Variants in HEYL observed in about 807,000 individuals in gnomAD.
HEYL encodes hairy/enhancer-of-split related with YRPW motif-like protein.
Under a neutral mutation model 18.6 loss-of-function variants are expected in HEYL, and 12 were observed. The ratio of observed to expected loss-of-function variants is 0.65; its 90% CI spans 0.41 to 1.05. The LOEUF (loss-of-function observed/expected upper bound fraction) is 1.05. Among genes scored for constraint, HEYL ranks in the 50% least tolerant of loss-of-function variants. HEYL has a pLI of 0.00. For missense variants in HEYL, 420 were observed against 444.7 expected, an observed-to-expected ratio of 0.94 and a Z score of 0.50; for synonymous variants, 159 against 179.6, an observed-to-expected ratio of 0.89 and a Z score of 0.91.
intron 1 of HEYL, among the ~76,000 whole-genome samples, chr1:39,637,045 T>C (rs891746634): frequency 4.6e-5 from 7 of 152,238 alleles, no homozygotes; most frequent in African/African-American, 1.4e-4. Flanking sequence ...TAAAAGTCAC[T>C]GGCCAAAGTT....
intron 1 of HEYL, among the ~76,000 whole-genome samples, chr1:39,635,721 C>T (rs1243112770): frequency 6.6e-6 from 1 of 152,244 alleles, no homozygotes; most frequent in Non-Finnish European, 1.5e-5. Flanking sequence ...GAATCCGCAT[C>T]TTCTGGCTCC....
intron 2 of HEYL, 105 bp from the exon 3 acceptor site, chr1:39,631,684 GAGA>G: frequency 1.2e-6 from 1 of 861,414 alleles, no homozygotes; most frequent in Non-Finnish European, 1.9e-6. Flanking sequence ...TTTTGTGAGG[GAGA>G]TCAATCTAGT....
intron 2 of HEYL, among the ~76,000 whole-genome samples, chr1:39,632,327 C>G (rs1362158384): frequency 1.3e-5 from 2 of 152,214 alleles, no homozygotes; most frequent in Non-Finnish European, 2.9e-5. Context: ...AGAGAGGAGA[C>G]AGAAGATAGG....
Position 39,631,425 on chromosome 1 carries a change from T to C in HEYL, c.231+71A>G, listed in dbSNP as rs2124114554. The C allele has an allele frequency of 4.0e-6, 5 of 1,259,506 alleles. No homozygotes were observed. In the East Asian group the frequency reaches 1.2e-4, roughly 29 times the overall value. 78.0% of individuals were successfully genotyped at this position (1,259,506 alleles called of 1,614,324 possible). On this transcript the variant is annotated intron_variant, in intron 3 of 4. Transcript: ENST00000372852. Reference sequence around the variant, plus strand: ...GCAGCTGCTACCAATCAACAAGAGATGCCATGAGAAACGAACCTTATCTGC... The same window carrying C: ...GCAGCTGCTACCAATCAACAAGAGACGCCATGAGAAACGAACCTTATCTGC...
intron 4 of HEYL, among the ~76,000 whole-genome samples, chr1:39,627,717 G>C (rs1452488249): frequency 6.6e-6 from 1 of 152,246 alleles, no homozygotes; most frequent in Non-Finnish European, 1.5e-5. Context: ...CTAGCTGCCT[G>C]ATTGTGGACA....
Position 39,627,068 on chromosome 1 carries a change from T to C in HEYL, c.426A>G (p.Ala142=), listed in dbSNP as rs1416219865. ...AGAGAAGGCGAATCCGGACGGGGTCTGCACGGCTGCTGGGCCCTTCAAGGA... is the reference window on the plus strand; with the variant it reads ...AGAGAAGGCGAATCCGGACGGGGTCCGCACGGCTGCTGGGCCCTTCAAGGA... The part of the protein sequence containing the change: ...LGVLEGPSSR[A]DPVRIRLLSH... The change falls in exon 5 of 5, where the codon GCA becomes GCG. Residue 142 remains alanine (A), a synonymous_variant. Coordinates refer to ENST00000372852, the MANE Select transcript of HEYL (RefSeq NM_014571.4). 5.6e-6 allele frequency: 9 copies of C among 1,614,076 alleles called. No individual in the cohort carries two copies. Among genetic ancestry groups the C allele is most frequent in the Non-Finnish European group, 7.6e-6 (9 of 1,180,020 alleles).
At chr1:39,634,938 C>T (rs1393131983) in intron 1 of HEYL, among the ~76,000 whole-genome samples, 2 of 152,162 alleles carry the variant, frequency 1.3e-5, no homozygotes, top group Non-Finnish European at 2.9e-5. Flanking sequence ...ATGTAAGCAC[C>T]ATAAAATCTA....
At chr1:39,627,874 G>A (rs1646309619) in intron 4 of HEYL, among the ~76,000 whole-genome samples, 2 of 152,206 alleles carry the variant, frequency 1.3e-5, no homozygotes, top group South Asian at 4.1e-4. Flanking sequence ...TTATATTACT[G>A]GCTTGGCCTT....
At chr1:39,627,965 G>A (rs1012644491) in intron 4 of HEYL, among the ~76,000 whole-genome samples, 8 of 152,090 alleles carry the variant, frequency 5.3e-5, no homozygotes, top group African/African-American at 7.2e-5. Context: ...TGCTGTTATC[G>A]GCCAGGGACC....
chr1:39,635,653 C>T (rs1023021284), intron 1 of HEYL, among the ~76,000 whole-genome samples: 2 of 152,212 alleles, frequency 1.3e-5, no homozygotes, highest in Non-Finnish European at 2.9e-5. Flanking sequence ...TGCTGAGCTT[C>T]AGGGAGCTAA....
chr1:39,633,090 G>A (rs1167756390), intron 1 of HEYL: 1 of 983,478 alleles, frequency 1.0e-6, no homozygotes, highest in African/African-American at 1.8e-5. Context: ...GGGTTTCAGA[G>A]GGAGCCGCTG....
intron 4 of HEYL, 133 bp downstream of exon 4, chr1:39,630,094 G>T: frequency 1.4e-6 from 1 of 731,718 alleles, no homozygotes; most frequent in Non-Finnish European, 2.4e-6. Context: ...GAGAAGCTTT[G>T]CAAATGTTCC....
intron 1 of HEYL, chr1:39,633,149 G>A (rs1412250470): frequency 1.0e-6 from 1 of 981,330 alleles, no homozygotes; most frequent in Admixed American, 6.2e-5. Context: ...CGGGCCGGGC[G>A]CGCCGGCCGC....
Position 39,625,607 on chromosome 1 carries a change from G to T in HEYL, c.*900C>A, listed in dbSNP as rs1646292040. On this transcript the variant is annotated 3_prime_UTR_variant, in exon 5 of 5. Coordinates refer to ENST00000372852, the MANE Select transcript of HEYL (RefSeq NM_014571.4). The stretch of plus-strand genomic sequence containing the variant: ...TTCCTCTCTGCGCACCATCACATGG[G>T]GCCACGGCCCCTCTGCACTGTGCAC... 6.6e-6 allele frequency: 1 copy of T among 152,328 alleles called. No individual in the cohort carries two copies. The highest frequency in any genetic ancestry group is 1.5e-5 in the Non-Finnish European group (1 of 68,108). 9.4% of individuals were successfully genotyped at this position (152,328 alleles called of 1,614,324 possible). A position where few individuals can be genotyped will look rare whatever the true frequency, so the allele number is the denominator to read the frequency against.
chr1:39,629,814 C>T (rs1282035878), intron 4 of HEYL, among the ~76,000 whole-genome samples: 2 of 152,188 alleles, frequency 1.3e-5, no homozygotes, highest in Non-Finnish European at 2.9e-5. Context: ...CTGCCAAGGA[C>T]CCCACAGTAG....
chr1:39,626,946 C>T lies in HEYL; in HGVS notation c.548G>A (p.Cys183Tyr). The T allele has an allele frequency of 6.2e-7, 1 of 1,613,770 alleles. No individual in the cohort carries two copies. Among genetic ancestry groups the T allele is most frequent in the Non-Finnish European group, 8.5e-7 (1 of 1,179,744 alleles). Residue 183 changes from cysteine (C) to tyrosine (Y), a missense_variant, in exon 5 of 5, where the codon TGT becomes TAT. By Grantham distance (194) the Cys-to-Tyr change is radical. Coordinates refer to ENST00000372852, the MANE Select transcript of HEYL (RefSeq NM_014571.4). ...GTTGCTCAGGGCTGGCAGCCCTGGACAGCTATGGAAGAAAGACCAGGGCCA... is the reference window on the plus strand; with the variant it reads ...GTTGCTCAGGGCTGGCAGCCCTGGATAGCTATGGAAGAAAGACCAGGGCCA... ...PAWPWSFFHS[C>Y]PGLPALSNQL... is the part of the protein sequence containing the mutation.
chr1:39,626,788 C>T lies in HEYL; in HGVS notation c.706G>A (p.Val236Met), dbSNP rs1183110120. 5.1e-6 allele frequency: 8 copies of T among 1,557,168 alleles called. No individual in the cohort carries two copies. In the South Asian group the frequency reaches 7.1e-5, roughly 14 times the overall value. ...GAAGATGCCCCTCGACTGGGCAGCA[C>T]ATTCCTCCGGGCTGGCAGGATGATG... Reference protein sequence around the residue: ...TGIILPARRNVLPSRGASSTR... With the variant: ...TGIILPARRNMLPSRGASSTR... The change falls in exon 5 of 5, where the codon GTG (valine) becomes ATG (methionine). Residue 236 changes from valine (V) to methionine (M), a missense_variant. Val to Met is a conservative substitution (Grantham distance 21). Coordinates refer to ENST00000372852, the MANE Select transcript of HEYL (RefSeq NM_014571.4).
intron 2 of HEYL, among the ~76,000 whole-genome samples, chr1:39,632,259 CCTT>C (rs917652434): frequency 6.6e-6 from 1 of 152,134 alleles, no homozygotes; most frequent in African/African-American, 2.4e-5. Context: ...AAGTGGGGAT[CCTT>C]CTTCTGTCCC....
chr1:39,637,053 G>A (rs1481080130), intron 1 of HEYL, among the ~76,000 whole-genome samples: 2 of 152,242 alleles, frequency 1.3e-5, no homozygotes, highest in Non-Finnish European at 1.5e-5. Context: ...ACTGGCCAAA[G>A]TTAATGGTGG....
Sources: allele counts gnomAD v4.1 joint callset (sites outside exome capture counted in the v4.1 genomes callset), GRCh38; gene constraint gnomAD v4.1.1; transcripts MANE v1.5; gene names NCBI Gene and HGNC (gene_info 2026-07-23, HGNC 2026-07-21).